GIT2: variants seen among roughly 807,000 people sequenced by gnomAD.
GIT2 encodes the protein GIT ArfGAP 2.
A neutral mutation model predicts 100.3 loss-of-function variants in GIT2; 32 were observed. The ratio of observed to expected loss-of-function variants is 0.32; its 90% CI spans 0.24 to 0.43. GIT2 has a LOEUF of 0.43. Among genes scored for constraint, GIT2 ranks in the 20% least tolerant of loss-of-function variants. The pLI, the probability that GIT2 is intolerant of heterozygous loss-of-function variation, is 1.00. For missense variants in GIT2, 737 were observed against 975.1 expected (o/e 0.76, Z 3.25); for synonymous variants, 353 against 364.1 (o/e 0.97, Z 0.35).
chr12:109,969,004 G>A (rs1007584846), intron 7 of GIT2, among the ~76,000 whole-genome samples: 3 of 152,056 alleles, frequency 2.0e-5, no homozygotes, highest in East Asian at 3.9e-4. Context: ...GATTACAGGC[G>A]TGAGCCACCG....
chr12:109,932,832 G>A lies in GIT2; in HGVS notation c.*146C>T. ...TAGTTGAAAATTGGTTAGAAAACAT[G>A]CAAAAATAATACTGAGTTTTCTTTT... On this transcript the variant is annotated 3_prime_UTR_variant, in exon 20 of 20. Transcript: ENST00000355312. 1.6e-6 allele frequency: 1 copy of A among 607,330 alleles called. No individual in the cohort carries two copies. Among genetic ancestry groups the A allele is most frequent in the Non-Finnish European group, 2.9e-6 (1 of 341,068 alleles). The allele number at this position is 607,330 out of a possible 1,614,324, so 37.6% of individuals were successfully genotyped here.
chr12:109,991,408 G>C (rs1425612123), intron 2 of GIT2, among the ~76,000 whole-genome samples: 1 of 151,724 alleles, frequency 6.6e-6, no homozygotes, highest in Non-Finnish European at 1.5e-5. Context: ...ACCTATAATT[G>C]AGCTTGTTGA....
intron 14 of GIT2, among the ~76,000 whole-genome samples, chr12:109,950,101 T>C (rs1417597846): frequency 6.6e-6 from 1 of 152,170 alleles, no homozygotes; most frequent in Non-Finnish European, 1.5e-5. Flanking sequence ...GTCTCAAAAA[T>C]GCTCTAGAAG....
At chr12:109,970,652 T>C (rs1366851255) in intron 7 of GIT2, among the ~76,000 whole-genome samples, 2 of 152,260 alleles carry the variant, frequency 1.3e-5, no homozygotes, top group Non-Finnish European at 2.9e-5. Flanking sequence ...TATCTCTTCA[T>C]AGATATCACA....
At chr12:109,988,035 T>C (rs1273334767) in intron 4 of GIT2, among the ~76,000 whole-genome samples, 1 of 152,210 alleles carries the variant, frequency 6.6e-6, no homozygotes, top group Non-Finnish European at 1.5e-5. Flanking sequence ...CCTTTAGTAC[T>C]TTTTCTAGTC....
upstream of GIT2, chr12:109,996,410 TCATGTGACCGGAAAGGGCA>T: frequency 3.8e-6 from 2 of 532,954 alleles, no homozygotes; most frequent in Non-Finnish European, 6.6e-6. Flanking sequence ...GAGTGTCAGG[TCATGTGACCGGAAAGGGCA>T]CTCTGCCTTG....
intron 16 of GIT2, chr12:109,939,834 C>T (rs887950086): frequency 6.6e-6 from 1 of 152,216 alleles, no homozygotes; most frequent in Non-Finnish European, 1.5e-5. Flanking sequence ...CATGGTCGCA[C>T]CACTGTACTC....
chr12:109,981,692 G>C (rs1009435724), intron 6 of GIT2: 2 of 152,276 alleles, frequency 1.3e-5, no homozygotes, highest in Admixed American at 1.3e-4. Context: ...AAATACTTAG[G>C]CTGCTTAGAA....
chr12:109,963,487 AG>A (rs1324424587), intron 9 of GIT2, among the ~76,000 whole-genome samples: 1 of 152,262 alleles, frequency 6.6e-6, no homozygotes, highest in Non-Finnish European at 1.5e-5. Flanking sequence ...CTATGAAAAC[AG>A]GAACTACTAT....
intron 1 of GIT2, among the ~76,000 whole-genome samples, chr12:109,993,776 C>T (rs1225060011): frequency 1.3e-5 from 2 of 151,712 alleles, no homozygotes; most frequent in African/African-American, 4.8e-5. Context: ...TTTCATGTGA[C>T]CACTCTACTA....
chr12:109,947,700 G>T lies in GIT2; in HGVS notation c.1393-196C>A. 1 of 560,446 alleles carries T rather than the reference G, an allele frequency of 1.8e-6. No individual in the cohort carries two copies. Among genetic ancestry groups the T allele is most frequent in the East Asian group, 3.0e-5 (1 of 33,310 alleles). The allele number at this position is 560,446 out of a possible 1,614,324, so 34.7% of individuals were successfully genotyped here. On this transcript the variant is annotated intron_variant, in intron 14 of 19. Coordinates refer to ENST00000355312, the MANE Select transcript of GIT2 (RefSeq NM_057169.5). This position sits in a 1 kb window ranked among gnomAD's most constrained non-coding sequence, Gnocchi z 4.3. ...AAACACAATCAACTCCCTTCATCAC[G>T]TAAGCAAATTAAATAGCTTCATTTC...
At chr12:109,986,486 C>T (rs907377738) in intron 4 of GIT2, among the ~76,000 whole-genome samples, 1 of 152,080 alleles carries the variant, frequency 6.6e-6, no homozygotes, top group Non-Finnish European at 1.5e-5. Context: ...AAAAAATGGC[C>T]GGGCGTGGTG....
chr12:109,953,500 G>T, intron 12 of GIT2: 1 of 334,312 alleles, frequency 3.0e-6, no homozygotes, highest in Non-Finnish European at 5.5e-6. Context: ...CAGGCCTGTA[G>T]TCCCAGCTAC....
chr12:109,989,547 C>G, intron 3 of GIT2, 143 bp downstream of exon 3: 1 of 604,090 alleles, frequency 1.7e-6, no homozygotes. Flanking sequence ...TTCTGCATTT[C>G]TAATAGCAAA....
chr12:109,957,311 G>A (rs1327820436), intron 12 of GIT2, among the ~76,000 whole-genome samples: 2 of 152,052 alleles, frequency 1.3e-5, no homozygotes, highest in Non-Finnish European at 2.9e-5. Flanking sequence ...TGTGATCTCT[G>A]CACATGTAGC....
intron 2 of GIT2, among the ~76,000 whole-genome samples, chr12:109,991,403 T>C (rs1888375804): frequency 6.6e-6 from 1 of 152,050 alleles, no homozygotes; most frequent in African/African-American, 2.4e-5. Context: ...TATCTACCTA[T>C]AATTGAGCTT....
At chr12:109,941,861 T>C (rs550941336) in intron 16 of GIT2, among the ~76,000 whole-genome samples, 1 of 151,602 alleles carries the variant, frequency 6.6e-6, no homozygotes, top group African/African-American at 2.4e-5. Flanking sequence ...GGTCTCACTC[T>C]GTCGCCTAGG....
intron 14 of GIT2, 32 bp downstream of exon 14, chr12:109,951,135 G>A (rs144409940): frequency 1.8e-4 from 279 of 1,593,136 alleles, no homozygotes; most frequent in Admixed American, 2.2e-4. Context: ...GGATTAAAGC[G>A]TCAACCGTCC....
intron 11 of GIT2, 136 bp downstream of exon 11, chr12:109,961,142 G>A: frequency 1.9e-6 from 1 of 529,666 alleles, no homozygotes; most frequent in Non-Finnish European, 3.4e-6. Context: ...TCAATTTGGG[G>A]GTTGTGTGTG....
Sources: allele counts gnomAD v4.1 joint callset (sites outside exome capture counted in the v4.1 genomes callset), GRCh38; gene constraint gnomAD v4.1.1; non-coding constraint Gnocchi (gnomAD v3.1); transcripts MANE v1.5; gene names NCBI Gene and HGNC (gene_info 2026-07-23, HGNC 2026-07-21).